STK32B: variants seen among roughly 807,000 people sequenced by gnomAD.
STK32B encodes serine/threonine kinase 32B, also known as serine/threonine-protein kinase 32B.
Under a neutral mutation model 52.6 loss-of-function variants are expected in STK32B, and 43 were observed. The ratio of observed to expected loss-of-function variants is 0.82; its 90% CI spans 0.64 to 1.05. The LOEUF (loss-of-function observed/expected upper bound fraction) is 1.05. STK32B is among the 50% of genes least tolerant of loss of function. The pLI, the probability that STK32B is intolerant of heterozygous loss-of-function variation, is 0.00. For synonymous variants in STK32B, 238 were observed against 204.3 expected, an observed-to-expected ratio of 1.17 and a Z score of -1.41; for missense variants, 621 against 534.6, an observed-to-expected ratio of 1.16 and a Z score of -1.59.
At chr4:5,367,327 T>C (rs1332145024) in intron 4 of STK32B, among the ~76,000 whole-genome samples, 1 of 152,146 alleles carries the variant, frequency 6.6e-6, no homozygotes, top group Non-Finnish European at 1.5e-5. Flanking sequence ...AAATGTGTGG[T>C]TGCACAGACA....
At chr4:5,364,811 G>C (rs1287727029) in intron 4 of STK32B, among the ~76,000 whole-genome samples, 1 of 152,064 alleles carries the variant, frequency 6.6e-6, no homozygotes, top group African/African-American at 2.4e-5. Context: ...TGTTCACAAT[G>C]GTCTTTCAGC....
Position 5,172,695 on chromosome 4 carries a change from G to A in STK32B, c.260+4245G>A, listed in dbSNP as rs566985255. Among the ~76,000 whole-genome samples the A allele has an allele frequency of 1.4e-4, 21 of 152,250 alleles. No homozygotes were observed. In the South Asian group the frequency reaches 4.1e-3, roughly 30 times the overall value. ...TGGTGGATAAGCTTTTTGATGTGCTGCTGGATTCGGTTTGCCAGTATTTTA... is the reference window on the plus strand; with the variant it reads ...TGGTGGATAAGCTTTTTGATGTGCTACTGGATTCGGTTTGCCAGTATTTTA... On this transcript the variant is annotated intron_variant, in intron 3 of 11. Transcript: ENST00000282908.
chr4:5,116,208 G>A (rs1296545962), intron 1 of STK32B, among the ~76,000 whole-genome samples: 1 of 149,566 alleles, frequency 6.7e-6, no homozygotes, highest in Non-Finnish European at 1.5e-5. Flanking sequence ...ACACGCACAC[G>A]GGATATTTTC....
intron 3 of STK32B, among the ~76,000 whole-genome samples, chr4:5,325,307 A>G (rs150058025): frequency 7.2e-4 from 106 of 147,420 alleles, no homozygotes; most frequent in African/African-American, 2.8e-3. Context: ...CAGGACAAAA[A>G]TCTTGCTTTT....
At position 5,404,516 on chromosome 4, in the gene STK32B, G is replaced by A. The variant is rs568785480; in HGVS notation, c.472+6272G>A. 3.5e-4 allele frequency among the ~76,000 whole-genome samples: 54 copies of A among 152,116 alleles called. 1 individual carries two copies. In the South Asian group the frequency reaches 0.01, roughly 29 times the overall value. On this transcript the variant is annotated intron_variant, in intron 5 of 11. Coordinates refer to ENST00000282908, the MANE Select transcript of STK32B (RefSeq NM_018401.3). The stretch of plus-strand genomic sequence containing the variant: ...ATTTGCATACAAATCAGTCCCACAC[G>A]AATATCGACCACTACTGAAAATCCT...
At chr4:5,116,478 C>A (rs1714722176) in intron 1 of STK32B, among the ~76,000 whole-genome samples, 1 of 152,234 alleles carries the variant, frequency 6.6e-6, no homozygotes, top group Middle Eastern at 3.4e-3. Flanking sequence ...TATCTATCAA[C>A]TCATATACTT....
chr4:5,046,412 C>T, the STK32B span, among the ~76,000 whole-genome samples: 1 of 151,940 alleles, frequency 6.6e-6, no homozygotes, highest in African/African-American at 2.4e-5. Flanking sequence ...CTATAAAAAC[C>T]CTAGAAGAAA....
chr4:5,197,997 C>A (rs1384257908), intron 3 of STK32B, among the ~76,000 whole-genome samples: 7 of 151,948 alleles, frequency 4.6e-5, no homozygotes, highest in Admixed American at 1.3e-4. Context: ...GAATTCACTG[C>A]ATTTTTTTTT....
intron 3 of STK32B, among the ~76,000 whole-genome samples, chr4:5,270,506 A>T (rs1229464648): frequency 6.6e-6 from 1 of 152,084 alleles, no homozygotes; most frequent in African/African-American, 2.4e-5. Flanking sequence ...CCTCACAGAC[A>T]CACCCAGGAA....
chr4:5,032,085 G>C, the STK32B span, among the ~76,000 whole-genome samples: 1 of 151,444 alleles, frequency 6.6e-6, no homozygotes, highest in East Asian at 1.9e-4. Flanking sequence ...TACGTTTTTT[G>C]TATCAGTTGC....
At chr4:5,245,149 C>T (rs1265409117) in intron 3 of STK32B, among the ~76,000 whole-genome samples, 2 of 152,030 alleles carry the variant, frequency 1.3e-5, no homozygotes, top group African/African-American at 2.4e-5. Flanking sequence ...TTTTCTGTCT[C>T]GTTGATCTGT....
At chr4:5,212,105 T>A (rs1201673016) in intron 3 of STK32B, among the ~76,000 whole-genome samples, 2 of 152,212 alleles carry the variant, frequency 1.3e-5, no homozygotes, top group African/African-American at 4.8e-5. Context: ...TTTAATGGTC[T>A]TTTTACTTAC....
chr4:5,139,373 G>C (rs936813220), intron 1 of STK32B, among the ~76,000 whole-genome samples: 7 of 152,186 alleles, frequency 4.6e-5, no homozygotes, highest in Non-Finnish European at 1.0e-4. Context: ...ACCTTGGAGA[G>C]CCACTGCCAA....
chr4:5,221,676 T>A (rs567943438), intron 3 of STK32B, among the ~76,000 whole-genome samples: 1 of 152,092 alleles, frequency 6.6e-6, no homozygotes, highest in East Asian at 1.9e-4. Context: ...GCCAACATAG[T>A]GAAACGCTGT....
At chr4:5,033,354 C>T in the STK32B span, among the ~76,000 whole-genome samples, 1 of 152,170 alleles carries the variant, frequency 6.6e-6, no homozygotes, top group Admixed American at 6.5e-5. Context: ...CTGTGGACTC[C>T]AGCTTCTGGG....
chr4:5,192,571 T>G (rs754082334), intron 3 of STK32B, among the ~76,000 whole-genome samples: 23 of 152,200 alleles, frequency 1.5e-4, no homozygotes, highest in Non-Finnish European at 2.6e-4. Flanking sequence ...TGAAACAATT[T>G]TTTTCCAGCT....
chr4:5,375,582 A>G (rs762413671), intron 4 of STK32B, among the ~76,000 whole-genome samples: 11 of 151,888 alleles, frequency 7.2e-5, no homozygotes, highest in Non-Finnish European at 1.5e-4. Flanking sequence ...TTTTCATCAC[A>G]TCTTCTGTGT....
At chr4:5,486,254 CTCTT>C (rs1287188071) in intron 11 of STK32B, among the ~76,000 whole-genome samples, 3 of 152,206 alleles carry the variant, frequency 2.0e-5, no homozygotes, top group Non-Finnish European at 4.4e-5. Flanking sequence ...GCTTCCCAGC[CTCTT>C]TGTTTACCTA....
intron 3 of STK32B, among the ~76,000 whole-genome samples, chr4:5,211,435 G>T (rs1478663003): frequency 6.6e-6 from 1 of 152,128 alleles, no homozygotes; most frequent in East Asian, 1.9e-4. Context: ...GGAGCCCCCA[G>T]AGGTAGTCTT....
Sources: allele counts gnomAD v4.1 joint callset (sites outside exome capture counted in the v4.1 genomes callset), GRCh38; gene constraint gnomAD v4.1.1; transcripts MANE v1.5; gene names NCBI Gene and HGNC (gene_info 2026-07-23, HGNC 2026-07-21).